PRKCH: variants seen among roughly 807,000 people sequenced by gnomAD.
The protein encoded by PRKCH is protein kinase C eta type.
A neutral mutation model predicts 82.5 loss-of-function variants in PRKCH; 28 were observed. The observed-to-expected ratio is 0.34, with a 90% CI of 0.25 to 0.47. The LOEUF (loss-of-function observed/expected upper bound fraction) is 0.47. PRKCH is among the 20% of genes least tolerant of loss of function. The pLI is 1.00. For synonymous variants in PRKCH, 322 were observed against 327.4 expected (o/e 0.98, Z 0.18); for missense variants, 705 against 881.8 (o/e 0.80, Z 2.54).
intron 1 of PRKCH, chr14:61,298,733 T>C (rs1194615014): frequency 6.6e-6 from 1 of 151,920 alleles, no homozygotes; most frequent in Non-Finnish European, 1.5e-5. Flanking sequence ...GTTTTTGTTT[T>C]TACCAAAACT....
chr14:61,472,398 T>C (rs925725287), intron 9 of PRKCH, among the ~76,000 whole-genome samples: 3 of 152,248 alleles, frequency 2.0e-5, no homozygotes, highest in African/African-American at 7.2e-5. Flanking sequence ...TGAGTCAGAT[T>C]CCCATCCTGT....
At chr14:61,339,645 T>TTTTA (rs2045906627) in intron 1 of PRKCH, among the ~76,000 whole-genome samples, 1 of 131,826 alleles carries the variant, frequency 7.6e-6, no homozygotes, top group African/African-American at 2.9e-5. Context: ...TTTTTTTTTT[T>TTTTA]TATAATTAAA....
chr14:61,223,294 C>T (rs957585039), intron 1 of PRKCH, among the ~76,000 whole-genome samples: 2 of 152,136 alleles, frequency 1.3e-5, no homozygotes, highest in Non-Finnish European at 2.9e-5. Context: ...CATCTTTCAC[C>T]ATCGACTCCT....
chr14:61,529,234 C>G lies in PRKCH; in HGVS notation c.1572+21C>G, dbSNP rs1010993149. On this transcript the variant is annotated intron_variant, in intron 11 of 13. Transcript: ENST00000332981. ...CAGAGGTGAGTGCAGCTGCTTGATG[C>G]AGCTCTGAAATCTGAGCTCTCCAGT... 6.9e-6 allele frequency: 11 copies of G among 1,593,292 alleles called. No individual in the cohort carries two copies. The Admixed American group carries it at 1.4e-4, about 20-fold the overall frequency.
intron 1 of PRKCH, among the ~76,000 whole-genome samples, chr14:61,213,925 C>T (rs1566783070): frequency 1.3e-5 from 2 of 152,202 alleles, no homozygotes; most frequent in African/African-American, 2.4e-5. Context: ...ACAAGCCAGA[C>T]CCAGACCCTG....
At chr14:61,213,869 T>C (rs932550564) in intron 1 of PRKCH, among the ~76,000 whole-genome samples, 2 of 152,242 alleles carry the variant, frequency 1.3e-5, no homozygotes, top group Non-Finnish European at 2.9e-5. Flanking sequence ...ACTGAGCACC[T>C]ACTATAAGCC....
At chr14:61,310,200 A>C (rs1437397655) in intron 1 of PRKCH, among the ~76,000 whole-genome samples, 1 of 152,200 alleles carries the variant, frequency 6.6e-6, no homozygotes, top group Non-Finnish European at 1.5e-5. Flanking sequence ...CCTTCCCAAC[A>C]GTCCTCCAAA....
rs185878677 is a variant in PRKCH, at chr14:61,294,319, G to A, written c.-19+106651G>A. Among the ~76,000 whole-genome samples, 235 of 151,876 alleles carry A rather than the reference G, an allele frequency of 1.5e-3. 4 individuals carry two copies. Among genetic ancestry groups the A allele is most frequent in the Admixed American group, 0.015 (230 of 15,252 alleles). ...CTATTTTTAGTAGAGATGGGGTTTC[G>A]CCGTGTTAGCCAGGATGGTCTCGAT... On this transcript the variant is annotated intron_variant, in intron 1 of 3. Transcript: ENST00000555185.
intron 5 of PRKCH, among the ~76,000 whole-genome samples, chr14:61,450,409 C>A (rs527919805): frequency 6.6e-6 from 1 of 152,264 alleles, no homozygotes; most frequent in African/African-American, 2.4e-5. Context: ...TGAGTCTCTT[C>A]TTTTTATTTT....
chr14:61,436,449 A>G (rs999011977), intron 2 of PRKCH, among the ~76,000 whole-genome samples: 1 of 10,108 alleles, frequency 9.9e-5, no homozygotes, highest in Admixed American at 2.2e-3. Context: ...GGAAATAACT[A>G]TGAGTACATA....
At chr14:61,484,291 C>CTTTTTTTTTT (rs71449556) in intron 9 of PRKCH, among the ~76,000 whole-genome samples, 1 of 86,380 alleles carries the variant, frequency 1.2e-5, no homozygotes, top group African/African-American at 4.5e-5. Context: ...GCTTGTGTCA[C>CTTTTTTTTTT]TTTTTTTTTT....
chr14:61,332,810 C>T (rs959680217), intron 1 of PRKCH, among the ~76,000 whole-genome samples: 5 of 152,154 alleles, frequency 3.3e-5, no homozygotes, highest in African/African-American at 4.8e-5. Flanking sequence ...AGCTCTGTCT[C>T]TCCACCTCTC....
At chr14:61,498,494 G>T (rs1886761795) in intron 10 of PRKCH, among the ~76,000 whole-genome samples, 2 of 152,142 alleles carry the variant, frequency 1.3e-5, no homozygotes, top group African/African-American at 4.8e-5. Context: ...AGTCTGCTCA[G>T]TACTGCTTAG....
At chr14:61,464,086 G>T (rs576136359) in intron 9 of PRKCH, among the ~76,000 whole-genome samples, 1 of 152,314 alleles carries the variant, frequency 6.6e-6, no homozygotes, top group Admixed American at 6.5e-5. Flanking sequence ...TGTATATCCA[G>T]TATTGGAATT....
intron 2 of PRKCH, among the ~76,000 whole-genome samples, chr14:61,395,379 G>C (rs368453602): frequency 2.0e-5 from 3 of 150,964 alleles, no homozygotes; most frequent in Non-Finnish European, 4.4e-5. Context: ...GCTCCTGGAA[G>C]CCACCTTAGA....
chr14:61,271,546 C>T (rs1056976428), intron 1 of PRKCH, among the ~76,000 whole-genome samples: 5 of 152,202 alleles, frequency 3.3e-5, no homozygotes, highest in Non-Finnish European at 4.4e-5. Flanking sequence ...ACTCCTTTAG[C>T]GAGCCTCTCA....
At chr14:61,286,774 C>G (rs1293009500) in intron 1 of PRKCH, among the ~76,000 whole-genome samples, 1 of 151,190 alleles carries the variant, frequency 6.6e-6, no homozygotes, top group Non-Finnish European at 1.5e-5. Context: ...GAAACTCCAT[C>G]TCAAAAAAAA....
intron 1 of PRKCH, among the ~76,000 whole-genome samples, chr14:61,259,333 T>C (rs886808642): frequency 1.3e-5 from 2 of 152,176 alleles, no homozygotes; most frequent in Admixed American, 6.6e-5. Flanking sequence ...ACTACCCAAA[T>C]TGGAGTTATC....
Position 61,391,253 on chromosome 14 carries a change from T to C in PRKCH, c.392T>C (p.Phe131Ser). ...WVDLEPEGKV[F>S]VVITLTGSFT... ...GATCTCGAGCCAGAGGGGAAAGTAT[T>C]TGTGGTAATAACCCTTACCGGGAGT... Residue 131 changes from phenylalanine to serine, a missense_variant, in exon 2 of 14, where the codon TTT becomes TCT. This residue lies in a region of PRKCH where 246 missense variants were observed against 308.0 expected (regional missense o/e 0.80). Coordinates refer to ENST00000332981, the MANE Select transcript of PRKCH (RefSeq NM_006255.5). 6.2e-7 allele frequency: 1 copy of C among 1,611,476 alleles called. No individual in the cohort carries two copies. The highest frequency in any genetic ancestry group is 8.5e-7 in the Non-Finnish European group (1 of 1,178,820).
Sources: gnomAD v4.1 joint callset for allele counts (sites outside exome capture counted in the v4.1 genomes callset) on GRCh38, gnomAD v4.1.1 for gene constraint, gnomAD v4.1.1 regional missense constraint, MANE v1.5 for transcripts, NCBI Gene and HGNC (gene_info 2026-07-23, HGNC 2026-07-21) for gene names.